DDC: variants seen among roughly 807,000 people sequenced by gnomAD.
DDC encodes dopa decarboxylase.
Under a neutral mutation model 60.0 loss-of-function variants are expected in DDC, and 43 were observed. The ratio of observed to expected loss-of-function variants is 0.72; its 90% CI spans 0.56 to 0.92. The LOEUF is 0.92. Among genes scored for constraint, DDC ranks in the 40% least tolerant of loss-of-function variants. The pLI, the probability that DDC is intolerant of heterozygous loss-of-function variation, is 0.00. For synonymous variants in DDC, 232 were observed against 234.6 expected (o/e 0.99, Z 0.10); for missense variants, 573 against 620.2 (o/e 0.92, Z 0.81).
intron 6 of DDC, among the ~76,000 whole-genome samples, chr7:50,511,316 CTT>C: frequency 1.6e-4 from 1 of 6,380 alleles, no homozygotes; most frequent in East Asian, 4.5e-3. Flanking sequence ...CAAAATTATA[CTT>C]TTATATAATA....
intron 1 of DDC, among the ~76,000 whole-genome samples, chr7:50,554,296 A>T (rs1407640689): frequency 2.0e-5 from 3 of 152,144 alleles, no homozygotes; most frequent in Non-Finnish European, 2.9e-5. Context: ...TTCATTAATA[A>T]TAGGGCAACT....
chr7:50,550,341 T>C (rs963258221), intron 1 of DDC, among the ~76,000 whole-genome samples: 1 of 152,224 alleles, frequency 6.6e-6, no homozygotes, highest in African/African-American at 2.4e-5. Flanking sequence ...TATAATGTTA[T>C]TGCACACTTA....
rs1222688907 is a variant in DDC, at chr7:50,539,950, G to T, written c.280C>A (p.Leu94Met). The T allele has an allele frequency of 6.2e-7, 1 of 1,613,996 alleles. No individual in the cohort carries two copies. The highest frequency in any genetic ancestry group is 8.5e-7 in the Non-Finnish European group (1 of 1,179,960). ...SSYPAMLADM[L>M]CGAIGCIGFS... is the part of the protein sequence containing the mutation. Reference sequence around the variant, plus strand: ...CCGATGCAGCCAATGGCCCCGCACAGCATGTCCGCAAGCATGGCCGGGTAC... The same window carrying T: ...CCGATGCAGCCAATGGCCCCGCACATCATGTCCGCAAGCATGGCCGGGTAC... Residue 94 changes from leucine (L) to methionine (M), a missense_variant, in exon 3 of 15, where the codon CTG becomes ATG. Leu to Met is a conservative substitution (Grantham distance 15). Coordinates refer to ENST00000444124, the MANE Select transcript of DDC (RefSeq NM_001082971.2).
At chr7:50,488,144 C>A (rs987652954) in intron 9 of DDC, among the ~76,000 whole-genome samples, 6 of 151,660 alleles carry the variant, frequency 4.0e-5, no homozygotes, top group Admixed American at 3.9e-4. Context: ...TATAAGTAAT[C>A]TATTAAAAAA....
intron 6 of DDC, among the ~76,000 whole-genome samples, chr7:50,519,722 C>A (rs1396681193): frequency 3.3e-5 from 5 of 151,736 alleles, no homozygotes; most frequent in African/African-American, 1.2e-4. Context: ...ATACAATGGG[C>A]TTTGGGGACT....
intron 8 of DDC, 66 bp downstream of exon 8, chr7:50,499,082 T>G: frequency 1.6e-6 from 2 of 1,245,326 alleles, no homozygotes; most frequent in Non-Finnish European, 2.4e-6. Context: ...CAGCTCCTCA[T>G]GAAGGGAGAG....
intron 4 of DDC, among the ~76,000 whole-genome samples, chr7:50,531,265 C>T (rs564496324): frequency 8.5e-5 from 13 of 152,294 alleles, no homozygotes; most frequent in African/African-American, 3.1e-4. Context: ...GGCATTGTAC[C>T]TTACTTACAC....
chr7:50,551,842 C>T (rs866527321), intron 1 of DDC, among the ~76,000 whole-genome samples: 14 of 152,236 alleles, frequency 9.2e-5, no homozygotes, highest in Middle Eastern at 3.4e-3. Context: ...TGATGTGTGA[C>T]TATTAGCAAT....
Position 50,505,711 on chromosome 7 carries a change from C to T in DDC, c.715-1652G>A, listed in dbSNP as rs76832902. Among the ~76,000 whole-genome samples, 1,014 of 152,352 alleles carry T rather than the reference C, an allele frequency of 6.7e-3. 15 individuals carry two copies. The highest frequency in any genetic ancestry group is 0.023 in the African/African-American group (967 of 41,576). ...TGGACAAGGTACTTCTCAGACAGAG[C>T]GATGCCTGCTCAGGGACCAGAGTTT... On this transcript the variant is annotated intron_variant, in intron 6 of 14. Coordinates refer to ENST00000444124, the MANE Select transcript of DDC (RefSeq NM_001082971.2).
intron 4 of DDC, among the ~76,000 whole-genome samples, chr7:50,536,119 G>A (rs2044401399): frequency 6.6e-6 from 1 of 152,114 alleles, no homozygotes; most frequent in Admixed American, 6.5e-5. Context: ...TTTCCTTTTG[G>A]ATGAAGGACA....
At chr7:50,552,100 A>G (rs1237268460) in intron 1 of DDC, among the ~76,000 whole-genome samples, 5 of 152,178 alleles carry the variant, frequency 3.3e-5, no homozygotes. Flanking sequence ...GTAAAGTAAG[A>G]CCTGGTTCTT....
At position 50,492,938 on chromosome 7, in the gene DDC, T is replaced by G. The variant is rs938964458; in HGVS notation, c.944+2412A>C. ...CACTCCACGTCCCGAAAGGCTCAACTCCTTCTCACCACCGCACTGACTAAG... is the reference window on the plus strand; with the variant it reads ...CACTCCACGTCCCGAAAGGCTCAACGCCTTCTCACCACCGCACTGACTAAG... On this transcript the variant is annotated intron_variant, in intron 9 of 14. Coordinates refer to ENST00000444124, the MANE Select transcript of DDC (RefSeq NM_001082971.2). The G allele has an allele frequency of 6.3e-6, 10 of 1,598,032 alleles. 1 individual carries two copies. The highest frequency in any genetic ancestry group is 3.3e-5 in the Admixed American group (2 of 59,988).
chr7:50,515,835 C>T (rs774871919), intron 6 of DDC, among the ~76,000 whole-genome samples: 1 of 152,136 alleles, frequency 6.6e-6, no homozygotes, highest in South Asian at 2.1e-4. Flanking sequence ...CAAAGAGGGA[C>T]GTTATATAAT....
In DDC at chr7:50,545,513, C is replaced by T. The variant is rs142930177; in HGVS notation, c.-28-1400G>A. Reference sequence around the variant, plus strand: ...TTGAAACGGAGTTTTGCTCTTGTCGCCCAGGCTGAAGTGCAATGGCACGAT... The same window carrying T: ...TTGAAACGGAGTTTTGCTCTTGTCGTCCAGGCTGAAGTGCAATGGCACGAT... On this transcript the variant is annotated intron_variant, in intron 1 of 14. Coordinates refer to ENST00000444124, the MANE Select transcript of DDC (RefSeq NM_001082971.2). Among the ~76,000 whole-genome samples the T allele has an allele frequency of 9.9e-3, 1,506 of 152,298 alleles. 26 individuals carry two copies. Among genetic ancestry groups the T allele is most frequent in the African/African-American group, 0.033 (1,378 of 41,564 alleles).
Position 50,467,515 on chromosome 7 carries a change from G to T in DDC, c.1141-200C>A, listed in dbSNP as rs116739077. Among the ~76,000 whole-genome samples the T allele has an allele frequency of 2.4e-3, 372 of 152,324 alleles. 1 individual carries two copies. Among genetic ancestry groups the T allele is most frequent in the African/African-American group, 8.7e-3 (360 of 41,560 alleles). On this transcript the variant is annotated intron_variant, in intron 12 of 14. Transcript: ENST00000444124. ...CATTCCCTACATTAGCACAGGTCTA[G>T]TGTCCTCAGAACACCAATTGTCATT...
At chr7:50,478,866 G>A (rs906017586) in intron 10 of DDC, among the ~76,000 whole-genome samples, 2 of 152,244 alleles carry the variant, frequency 1.3e-5, no homozygotes, top group Admixed American at 6.5e-5. Context: ...CAATATATTA[G>A]CAATATTTGC....
At chr7:50,519,957 C>CAAAG (rs1380764697) in intron 6 of DDC, among the ~76,000 whole-genome samples, 1 of 151,762 alleles carries the variant, frequency 6.6e-6, no homozygotes, top group Non-Finnish European at 1.5e-5. Flanking sequence ...AAAACCAAAA[C>CAAAG]AAACAAACAA....
intron 7 of DDC, among the ~76,000 whole-genome samples, chr7:50,500,784 C>T (rs1336654102): frequency 1.3e-5 from 2 of 152,212 alleles, no homozygotes; most frequent in Non-Finnish European, 2.9e-5. Flanking sequence ...TAAACTGAGT[C>T]AAAGCTTTGA....
chr7:50,485,137 A>C (rs2042855178), intron 9 of DDC, among the ~76,000 whole-genome samples: 2 of 150,732 alleles, frequency 1.3e-5, no homozygotes, highest in African/African-American at 5.0e-5. Context: ...CATTTTGGGA[A>C]AAAAAAACAG....
Sources: gnomAD v4.1 joint callset for allele counts (sites outside exome capture counted in the v4.1 genomes callset) on GRCh38, gnomAD v4.1.1 for gene constraint, MANE v1.5 for transcripts, NCBI Gene and HGNC (gene_info 2026-07-23, HGNC 2026-07-21) for gene names.